Variants in GABRB1 observed in about 807,000 individuals in gnomAD.
GABRB1 encodes gamma-aminobutyric acid receptor subunit beta-1.
Under a neutral mutation model 51.6 loss-of-function variants are expected in GABRB1, and 17 were observed. The ratio of observed to expected loss-of-function variants is 0.33; its 90% CI spans 0.23 to 0.49. GABRB1 has a LOEUF of 0.49. GABRB1 is among the 20% of genes least tolerant of loss of function. The probability of loss-of-function intolerance (pLI) is 0.99; values close to 1 mark genes in which losing one functional copy is unlikely to be tolerated. For missense variants in GABRB1, 410 were observed against 600.6 expected, an observed-to-expected ratio of 0.68 and a Z score of 3.32; for synonymous variants, 247 against 218.9, an observed-to-expected ratio of 1.13 and a Z score of -1.14.
rs139740729 is a variant in GABRB1 at position 47,038,042 on chromosome 4, A to T, written c.240+5558A>T. Among the ~76,000 whole-genome samples the T allele has an allele frequency of 4.6e-5, 7 of 152,290 alleles. No homozygotes were observed. In the East Asian group the frequency reaches 9.6e-4, roughly 21 times the overall value. Reference sequence around the variant, plus strand: ...ATGAAGCTAAATTACATAATTGCTAAACCCTTTTCCAGTTCAAATATCCTA... The same window carrying T: ...ATGAAGCTAAATTACATAATTGCTATACCCTTTTCCAGTTCAAATATCCTA... On this transcript the variant is annotated intron_variant, in intron 3 of 8. Coordinates refer to ENST00000295454, the MANE Select transcript of GABRB1 (RefSeq NM_000812.4).
chr4:47,095,130 C>T (rs1714343380), intron 3 of GABRB1, among the ~76,000 whole-genome samples: 1 of 152,008 alleles, frequency 6.6e-6, no homozygotes, highest in Non-Finnish European at 1.5e-5. Flanking sequence ...TGTAGTAAGA[C>T]ATAGGACACA....
Position 47,422,754 on chromosome 4 carries a change from T to C in GABRB1, c.1081-2920T>C, listed in dbSNP as rs149209510. Among the ~76,000 whole-genome samples the C allele has an allele frequency of 2.4e-3, 361 of 152,332 alleles. 1 individual carries two copies. Among genetic ancestry groups the C allele is most frequent in the African/African-American group, 8.4e-3 (348 of 41,568 alleles). ...TGGACACCACCACAAGGATGCCTAA[T>C]GTATATCACAAATTCAACCAAAATA... On this transcript the variant is annotated intron_variant, in intron 8 of 8. Coordinates refer to ENST00000295454, the MANE Select transcript of GABRB1 (RefSeq NM_000812.4).
At chr4:47,176,585 G>A (rs1450935881) in intron 4 of GABRB1, among the ~76,000 whole-genome samples, 1 of 151,992 alleles carries the variant, frequency 6.6e-6, no homozygotes, top group Non-Finnish European at 1.5e-5. Flanking sequence ...AGAAGTTTGA[G>A]GTCTAAGAGG....
intron 4 of GABRB1, among the ~76,000 whole-genome samples, chr4:47,260,615 G>A (rs1203556785): frequency 6.6e-6 from 1 of 152,054 alleles, no homozygotes; most frequent in East Asian, 1.9e-4. Flanking sequence ...TGAAATTCTG[G>A]GTTGAAAATT....
At chr4:47,421,724 T>A (rs1729094815) in intron 8 of GABRB1, among the ~76,000 whole-genome samples, 1 of 152,152 alleles carries the variant, frequency 6.6e-6, no homozygotes, top group Admixed American at 6.5e-5. Context: ...AAGGCTTCTG[T>A]GACCCCCAAT....
intron 4 of GABRB1, among the ~76,000 whole-genome samples, chr4:47,318,449 A>T (rs1163585704): frequency 1.3e-5 from 2 of 151,920 alleles, no homozygotes; most frequent in African/African-American, 2.4e-5. Context: ...ATCATCATCA[A>T]CAACAACAAC....
chr4:47,304,253 T>C (rs1196696650), intron 4 of GABRB1, among the ~76,000 whole-genome samples: 2 of 152,048 alleles, frequency 1.3e-5, no homozygotes, highest in Non-Finnish European at 1.5e-5. Flanking sequence ...ATTTACATTC[T>C]CACCAACAGT....
chr4:47,067,254 A>C (rs1727128173), intron 3 of GABRB1, among the ~76,000 whole-genome samples: 1 of 152,224 alleles, frequency 6.6e-6, no homozygotes, highest in Admixed American at 6.5e-5. Context: ...GAGTAGATTT[A>C]CCGTAACTCT....
intron 5 of GABRB1, among the ~76,000 whole-genome samples, chr4:47,366,160 C>T (rs957215232): frequency 5.9e-5 from 9 of 152,136 alleles, no homozygotes; most frequent in African/African-American, 2.2e-4. Flanking sequence ...TCTCATAAAG[C>T]TATTGTGCCA....
intron 3 of GABRB1, among the ~76,000 whole-genome samples, chr4:47,160,045 T>C (rs1017360385): frequency 6.6e-6 from 1 of 152,102 alleles, no homozygotes; most frequent in Non-Finnish European, 1.5e-5. Flanking sequence ...TTACCTTGTA[T>C]TAATAGAGTT....
intron 8 of GABRB1, among the ~76,000 whole-genome samples, chr4:47,413,463 CA>C (rs757865518): frequency 2.0e-5 from 3 of 152,182 alleles, no homozygotes; most frequent in Non-Finnish European, 4.4e-5. Context: ...TCAGCAGTTA[CA>C]TTAATAATGC....
intron 3 of GABRB1, among the ~76,000 whole-genome samples, chr4:47,070,854 C>T (rs999717920): frequency 6.6e-6 from 1 of 152,192 alleles, no homozygotes; most frequent in Non-Finnish European, 1.5e-5. Context: ...TAAATACCAA[C>T]TTCACTCTAA....
intron 4 of GABRB1, among the ~76,000 whole-genome samples, chr4:47,176,498 C>T (rs1007045439): frequency 2.0e-5 from 3 of 151,972 alleles, no homozygotes; most frequent in African/African-American, 4.8e-5. Flanking sequence ...TGGAGATAAA[C>T]TAAAGATCTC....
At chr4:47,058,098 G>A (rs144054809) in intron 3 of GABRB1, among the ~76,000 whole-genome samples, 6 of 152,310 alleles carry the variant, frequency 3.9e-5, no homozygotes, top group Non-Finnish European at 5.9e-5. Flanking sequence ...TGAGAGGCAG[G>A]TGATTCATTC....
intron 1 of GABRB1, among the ~76,000 whole-genome samples, chr4:46,994,807 A>C (rs186233707): frequency 2.6e-5 from 4 of 152,212 alleles, no homozygotes; most frequent in Non-Finnish European, 1.5e-5. Flanking sequence ...CCAAACACCA[A>C]TTAGGTTCTA....
chr4:47,348,563 T>C (rs773295615), intron 5 of GABRB1, among the ~76,000 whole-genome samples: 1 of 152,214 alleles, frequency 6.6e-6, no homozygotes, highest in Non-Finnish European at 1.5e-5. Flanking sequence ...TCATTATGTA[T>C]GAAAATATTC....
intron 4 of GABRB1, among the ~76,000 whole-genome samples, chr4:47,244,170 A>G (rs1578028867): frequency 1.3e-5 from 2 of 152,282 alleles, no homozygotes; most frequent in East Asian, 1.9e-4. Flanking sequence ...GGTTCTGTTT[A>G]TATGATGGAT....
intron 4 of GABRB1, among the ~76,000 whole-genome samples, chr4:47,276,897 G>T (rs543119700): frequency 6.6e-6 from 1 of 152,094 alleles, no homozygotes; most frequent in African/African-American, 2.4e-5. Flanking sequence ...CCTGTGGAGT[G>T]GGGTGGAGGT....
At chr4:47,058,065 C>T (rs1454124176) in intron 3 of GABRB1, among the ~76,000 whole-genome samples, 5 of 152,132 alleles carry the variant, frequency 3.3e-5, no homozygotes, top group Non-Finnish European at 2.9e-5. Flanking sequence ...AAATCTACCA[C>T]CTGAAGAGGC....
Sources: gnomAD v4.1 joint callset for allele counts (sites outside exome capture counted in the v4.1 genomes callset) on GRCh38, gnomAD v4.1.1 for gene constraint, MANE v1.5 for transcripts, NCBI Gene and HGNC (gene_info 2026-07-23, HGNC 2026-07-21) for gene names.